The following CTNNA3 variants were observed in gnomAD, a reference collection of about 807,000 sequenced individuals.
The protein encoded by CTNNA3 is catenin alpha-3.
CTNNA3 carries 76 observed loss-of-function variants against 95.7 expected under a neutral mutation model. The observed-to-expected ratio is 0.79, with a 90% CI of 0.66 to 0.96. The LOEUF (loss-of-function observed/expected upper bound fraction) is 0.96, where lower values mean the gene tolerates loss of function less well. Ranked by LOEUF, CTNNA3 falls within the 40% of genes least tolerant of loss-of-function variation. The probability of loss-of-function intolerance (pLI) is 0.00; values close to 1 mark genes in which losing one functional copy is unlikely to be tolerated. For missense variants in CTNNA3, 1,191 were observed against 1,089.8 expected, an observed-to-expected ratio of 1.09 and a Z score of -1.31; for synonymous variants, 431 against 374.4, an observed-to-expected ratio of 1.15 and a Z score of -1.74.
rs192736823 is a variant in CTNNA3, at chr10:65,931,607, A to T, written c.2401-10990T>A. On this transcript the variant is annotated intron_variant, in intron 17 of 17. Coordinates refer to ENST00000433211, the MANE Select transcript of CTNNA3 (RefSeq NM_013266.4). Reference sequence around the variant, plus strand: ...AGTGACTGTCTTCTATTTATTTGAGACTCACACACTCTGTACCTAAGTGAA... The same window carrying T: ...AGTGACTGTCTTCTATTTATTTGAGTCTCACACACTCTGTACCTAAGTGAA... Among the ~76,000 whole-genome samples, 7 of 152,256 alleles carry T rather than the reference A, an allele frequency of 4.6e-5. No homozygotes were observed. In the East Asian group the frequency reaches 1.2e-3, roughly 25 times the overall value.
At chr10:66,629,637 C>T (rs769045232) in intron 9 of CTNNA3, among the ~76,000 whole-genome samples, 10 of 152,100 alleles carry the variant, frequency 6.6e-5, no homozygotes, top group Non-Finnish European at 1.5e-4. Context: ...CCCATCATCA[C>T]CTTTCCATCC....
chr10:67,045,887 A>G (rs1475361681), intron 7 of CTNNA3, among the ~76,000 whole-genome samples: 1 of 152,190 alleles, frequency 6.6e-6, no homozygotes, highest in Non-Finnish European at 1.5e-5. Flanking sequence ...CCCAAATAAT[A>G]AGCTGTAAAA....
chr10:66,100,075 T>C (rs2081556609), intron 14 of CTNNA3, among the ~76,000 whole-genome samples: 1 of 152,078 alleles, frequency 6.6e-6, no homozygotes, highest in African/African-American at 2.4e-5. Flanking sequence ...GAGTCTGAGA[T>C]TGGAAGGTAG....
intron 4 of CTNNA3, among the ~76,000 whole-genome samples, chr10:67,523,637 G>A (rs1315986356): frequency 1.3e-5 from 2 of 152,124 alleles, no homozygotes; most frequent in African/African-American, 2.4e-5. Context: ...CGTAGAAGAC[G>A]TAAGACAATT....
chr10:66,144,911 G>A (rs1357493576), intron 13 of CTNNA3, among the ~76,000 whole-genome samples: 1 of 152,092 alleles, frequency 6.6e-6, no homozygotes, highest in Non-Finnish European at 1.5e-5. Context: ...TTCCACATAT[G>A]CATACTTTTA....
intron 5 of CTNNA3, among the ~76,000 whole-genome samples, chr10:67,440,652 GT>G (rs1422062167): frequency 6.6e-6 from 1 of 152,130 alleles, no homozygotes; most frequent in African/African-American, 2.4e-5. Flanking sequence ...AGGTCCATTT[GT>G]TTGAGAGAAA....
intron 7 of CTNNA3, among the ~76,000 whole-genome samples, chr10:66,855,831 A>T (rs566712294): frequency 6.6e-6 from 1 of 152,212 alleles, no homozygotes; most frequent in South Asian, 2.1e-4. Flanking sequence ...TCATGAACCA[A>T]CACATGCAAG....
chr10:66,229,794 T>G (rs1428645225), intron 13 of CTNNA3, among the ~76,000 whole-genome samples: 1 of 152,160 alleles, frequency 6.6e-6, no homozygotes, highest in Non-Finnish European at 1.5e-5. Context: ...TAGCTATTAT[T>G]TCATTAAATA....
chr10:66,817,891 A>T (rs1036986956), intron 7 of CTNNA3, among the ~76,000 whole-genome samples: 2 of 152,046 alleles, frequency 1.3e-5, no homozygotes, highest in African/African-American at 4.8e-5. Flanking sequence ...AAAAACCATC[A>T]ACAAAATATT....
intron 7 of CTNNA3, among the ~76,000 whole-genome samples, chr10:66,937,354 A>C (rs1259534694): frequency 1.3e-5 from 2 of 152,158 alleles, no homozygotes; most frequent in Non-Finnish European, 2.9e-5. Context: ...TTCATATATA[A>C]TCTAATACTC....
At chr10:67,182,669 A>G (rs1208998092) in intron 6 of CTNNA3, among the ~76,000 whole-genome samples, 1 of 152,316 alleles carries the variant, frequency 6.6e-6, no homozygotes, top group African/African-American at 2.4e-5. Flanking sequence ...AATGGCAACA[A>G]AAGTCAAAAT....
intron 5 of CTNNA3, among the ~76,000 whole-genome samples, chr10:67,385,039 C>T (rs1844097662): frequency 2.0e-5 from 3 of 151,606 alleles, no homozygotes; most frequent in Admixed American, 2.0e-4. Flanking sequence ...ATTTTACATG[C>T]TACTTTGTTG....
At chr10:67,617,235 T>G (rs1186631471) in intron 2 of CTNNA3, among the ~76,000 whole-genome samples, 2 of 152,164 alleles carry the variant, frequency 1.3e-5, no homozygotes, top group East Asian at 3.8e-4. Context: ...CACTCAATAG[T>G]TATTTTTCAT....
intron 1 of CTNNA3, among the ~76,000 whole-genome samples, chr10:67,683,932 G>A (rs1208561126): frequency 6.6e-6 from 1 of 152,198 alleles, no homozygotes; most frequent in African/African-American, 2.4e-5. Context: ...TGAAGCCGCA[G>A]ACCCTCGTGG....
chr10:66,223,942 A>G (rs1005797385), intron 13 of CTNNA3, among the ~76,000 whole-genome samples: 1 of 152,104 alleles, frequency 6.6e-6, no homozygotes, highest in Non-Finnish European at 1.5e-5. Flanking sequence ...CAAGCCTGTA[A>G]TCTCAGCATT....
chr10:66,404,685 C>T (rs1318395060), intron 11 of CTNNA3, among the ~76,000 whole-genome samples: 1 of 152,116 alleles, frequency 6.6e-6, no homozygotes, highest in Non-Finnish European at 1.5e-5. Context: ...CAGACTTCTC[C>T]AACCTGCAGC....
intron 1 of CTNNA3, among the ~76,000 whole-genome samples, chr10:67,706,405 G>GA (rs899306582): frequency 4.0e-5 from 6 of 149,338 alleles, no homozygotes; most frequent in African/African-American, 7.4e-5. Flanking sequence ...AAAGAAGAAA[G>GA]AAAAAAAAAT....
chr10:66,310,993 G>A (rs899409227), intron 12 of CTNNA3, among the ~76,000 whole-genome samples: 1 of 152,038 alleles, frequency 6.6e-6, no homozygotes, highest in African/African-American at 2.4e-5. Context: ...CTTACTTTTG[G>A]AAGTTGAATT....
At chr10:66,413,820 G>A (rs1483812273) in intron 11 of CTNNA3, among the ~76,000 whole-genome samples, 1 of 152,162 alleles carries the variant, frequency 6.6e-6, no homozygotes, top group East Asian at 1.9e-4. Flanking sequence ...GTCTTTCCTT[G>A]AGAGATTTAT....
Sources: allele counts gnomAD v4.1 joint callset (sites outside exome capture counted in the v4.1 genomes callset), GRCh38; gene constraint gnomAD v4.1.1; transcripts MANE v1.5; gene names NCBI Gene and HGNC (gene_info 2026-07-23, HGNC 2026-07-21).